The following ZFYVE26 variants were observed in gnomAD, a reference collection of about 807,000 sequenced individuals.
ZFYVE26 encodes zinc finger FYVE-type containing 26, also known as zinc finger FYVE domain-containing protein 26.
In ZFYVE26, 181 loss-of-function variants were observed where a neutral mutation model predicts 276.5. That is an observed-to-expected ratio of 0.65 (90% CI 0.58 to 0.74). ZFYVE26 has a LOEUF of 0.74. ZFYVE26 is among the 30% of genes least tolerant of loss of function. ZFYVE26 has a pLI of 0.00. For synonymous variants in ZFYVE26, 1,129 were observed against 1,203.1 expected (o/e 0.94, Z 1.27); for missense variants, 2,821 against 3,097.9 (o/e 0.91, Z 2.12).
intron 3 of ZFYVE26, among the ~76,000 whole-genome samples, chr14:67,810,170 C>T (rs2040270982): frequency 6.6e-6 from 1 of 152,214 alleles, no homozygotes; most frequent in Admixed American, 6.5e-5. Context: ...CACTGATCAG[C>T]CGTAAGTTCC....
chr14:67,733,873 C>T (rs767104580), intron 13 of ZFYVE26: 1 of 1,533,732 alleles, frequency 6.5e-7, no homozygotes, highest in African/African-American at 1.4e-5. Context: ...GCAGCTTTAT[C>T]AGGCCCAATC....
chr14:67,766,081 G>T (rs1026921925), intron 32 of ZFYVE26, 146 bp downstream of exon 32: 1 of 836,164 alleles, frequency 1.2e-6, no homozygotes, highest in Non-Finnish European at 2.0e-6. Context: ...TGGCAACACC[G>T]TTTCATCAAC....
In ZFYVE26 at chr14:67,761,498, C is replaced by G. The variant is rs140345788; in HGVS notation, c.6456G>C (p.Gly2152=). 5.3e-5 allele frequency: 85 copies of G among 1,614,036 alleles called. No individual in the cohort carries two copies. The highest frequency in any genetic ancestry group is 2.3e-4 in the South Asian group (21 of 91,072). ...QSLSLAVIPE[G]KIMNNTYYQE... ...GGTAGTAGGTGTTGTTCATGATTTT[C>G]CCTTCAGGAATCACTGCCAGAGAAA... The change falls in exon 35 of 42, where the codon GGG becomes GGC. Residue 2152 remains glycine (G), a synonymous_variant. Coordinates refer to ENST00000347230, the MANE Select transcript of ZFYVE26 (RefSeq NM_015346.4).
intron 14 of ZFYVE26, chr14:67,729,079 G>C (rs1161298813): frequency 2.8e-6 from 3 of 1,082,834 alleles, no homozygotes; most frequent in Non-Finnish European, 4.2e-6. Flanking sequence ...TGAATCCTGG[G>C]GTTATGTTTC....
intron 34 of ZFYVE26, 197 bp downstream of exon 34, chr14:67,762,006 A>T: frequency 3.2e-6 from 2 of 615,654 alleles, no homozygotes; most frequent in South Asian, 4.0e-5. Context: ...TTTTAAAAAA[A>T]ATTACATCTA....
At position 67,772,189 on chromosome 14, in the gene ZFYVE26, G is replaced by A. The variant is rs1187240622; in HGVS notation, c.5342C>T (p.Pro1781Leu). The A allele has an allele frequency of 1.2e-6, 2 of 1,613,076 alleles. No homozygotes were observed. Among genetic ancestry groups the A allele is most frequent in the African/African-American group, 2.7e-5 (2 of 74,882 alleles). ...TGGGAAACTCCTTTCCCTTAGACTA[G>A]GGGAATGTATACTGGAGATACCTGG... ...APPGISSIHS[P>L]SLRERSFPPT... The change falls in exon 28 of 42, where the codon CCT becomes CTT. Residue 1781 changes from proline (P) to leucine (L), a missense_variant. Physicochemically the swap from Pro to Leu is moderately conservative, Grantham distance 98. Transcript: ENST00000347230.
Position 67,769,745 on chromosome 14 carries a change from C to G in ZFYVE26, c.5485-15G>C. The G allele has an allele frequency of 6.2e-7, 1 of 1,613,940 alleles. No homozygotes were observed. Among genetic ancestry groups the G allele is most frequent in the Non-Finnish European group, 8.5e-7 (1 of 1,180,002 alleles). ...CGCCTGTTAAACTGAGGAATGCCATCAGGAGGAGAAGAAAGAGGGAGGAGA... is the reference window on the plus strand; with the variant it reads ...CGCCTGTTAAACTGAGGAATGCCATGAGGAGGAGAAGAAAGAGGGAGGAGA... On this transcript the variant is annotated splice_polypyrimidine_tract_variant and intron_variant, in intron 28 of 41. Transcript: ENST00000347230.
chr14:67,755,950 T>A lies in ZFYVE26; in HGVS notation c.6784A>T (p.Lys2262Ter). The change falls in exon 36 of 42, where the codon AAG becomes TAG. Residue 2262 changes from lysine to a stop codon, truncating the protein, a stop_gained and splice_region_variant. Coordinates refer to ENST00000347230, the MANE Select transcript of ZFYVE26 (RefSeq NM_015346.4). LOFTEE classifies it high-confidence loss of function. ...AGGCAGGAAGGGGCTGCCATTACCTTCATAAACTGCTGCAGCTCATACAGA... is the reference window on the plus strand; with the variant it reads ...AGGCAGGAAGGGGCTGCCATTACCTACATAAACTGCTGCAGCTCATACAGA... The part of the protein sequence containing the change: ...HILYELQQFM[K>*]DQVRAAMTCI... 1 of 1,614,216 alleles carries A rather than the reference T, an allele frequency of 6.2e-7. No individual in the cohort carries two copies. The highest frequency in any genetic ancestry group is 8.5e-7 in the Non-Finnish European group (1 of 1,180,042).
downstream of ZFYVE26, among the ~76,000 whole-genome samples, chr14:67,742,832 CTTCTTCTTTTT>C (rs1407822029): frequency 1.4e-4 from 2 of 13,930 alleles, no homozygotes; most frequent in Non-Finnish European, 3.8e-4. Context: ...CTTCTTTCTT[CTTCTTCTTTTT>C]TTTTTTTTTT....
At position 67,783,538 on chromosome 14, in the gene ZFYVE26, A is replaced by C. The variant is rs776056839; in HGVS notation, c.3627-13T>G. ...AAGGGCTGCCAGTCTGGAAGGAGAGAAGCAGAAAGCATACAAGGCCTGAAT... is the reference window on the plus strand; with the variant it reads ...AAGGGCTGCCAGTCTGGAAGGAGAGCAGCAGAAAGCATACAAGGCCTGAAT... On this transcript the variant is annotated splice_polypyrimidine_tract_variant and intron_variant, in intron 20 of 41. Coordinates refer to ENST00000347230, the MANE Select transcript of ZFYVE26 (RefSeq NM_015346.4). The C allele has an allele frequency of 3.7e-6, 6 of 1,610,716 alleles. No individual in the cohort carries two copies. The highest frequency in any genetic ancestry group is 5.1e-6 in the Non-Finnish European group (6 of 1,179,944).
At chr14:67,778,458 G>C in intron 23 of ZFYVE26, 1 of 581,480 alleles carries the variant, frequency 1.7e-6, no homozygotes, top group Non-Finnish European at 3.0e-6. Flanking sequence ...ACAGACACTT[G>C]GTGTCAACCC....
rs1018988214 is a variant in ZFYVE26 at position 67,747,600 on chromosome 14, A to C, written c.*836T>G. On this transcript the variant is annotated 3_prime_UTR_variant, in exon 42 of 42. Transcript: ENST00000347230. The stretch of plus-strand genomic sequence containing the variant: ...TTCTCTCACCCACCAACTTTGCAGC[A>C]GGGACATTCACAACAGGCAGCTCTG... 6.6e-6 allele frequency: 1 copy of C among 152,544 alleles called. No homozygotes were observed. Among genetic ancestry groups the C allele is most frequent in the African/African-American group, 2.4e-5 (1 of 41,446 alleles). 9.4% of individuals were successfully genotyped at this position (152,544 alleles called of 1,614,324 possible). A position where few individuals can be genotyped will look rare whatever the true frequency, so the allele number is the denominator to read the frequency against.
intron 10 of ZFYVE26, among the ~76,000 whole-genome samples, 156 bp from the exon 11 acceptor site, chr14:67,798,778 A>G (rs1372424289): frequency 2.0e-5 from 3 of 152,254 alleles, no homozygotes; most frequent in African/African-American, 7.2e-5. Context: ...TGAGAAGAAT[A>G]AGAGACTTAG....
chr14:67,798,954 C>G (rs867337317), intron 10 of ZFYVE26: 2 of 1,131,738 alleles, frequency 1.8e-6, no homozygotes, highest in Non-Finnish European at 2.7e-6. Flanking sequence ...TTTCTCGCGC[C>G]GCGGTTTCGG....
intron 15 of ZFYVE26, 76 bp downstream of exon 15, chr14:67,790,496 G>T: frequency 6.7e-7 from 1 of 1,496,806 alleles, no homozygotes; most frequent in Non-Finnish European, 9.3e-7. Context: ...AGGAGCCTAG[G>T]ATTTTAGTGG....
chr14:67,815,896 C>T lies in ZFYVE26; in HGVS notation c.68G>A (p.Cys23Tyr), dbSNP rs757919696. Residue 23 changes from cysteine to tyrosine, a missense_variant, in exon 2 of 42, where the codon TGC (cysteine) becomes TAC (tyrosine). Cys to Tyr is a radical substitution (Grantham distance 194). Transcript: ENST00000347230. Reference sequence around the variant, plus strand: ...CAGCTCCCATTCTCCCCTCCGCAGGCATTCGCAGAAAAATCCAAAAAGCTG... The same window carrying T: ...CAGCTCCCATTCTCCCCTCCGCAGGTATTCGCAGAAAAATCCAAAAAGCTG... ...QKQLFGFFCE[C>Y]LRRGEWELAQ... 19 of 1,613,884 alleles carry T rather than the reference C, an allele frequency of 1.2e-5. No individual in the cohort carries two copies. Among genetic ancestry groups the T allele is most frequent in the Non-Finnish European group, 1.6e-5 (19 of 1,179,988 alleles).
At chr14:67,790,425 G>A (rs1351099981) in intron 15 of ZFYVE26, 147 bp downstream of exon 15, 10 of 822,228 alleles carry the variant, frequency 1.2e-5, no homozygotes, top group African/African-American at 1.7e-5. Flanking sequence ...AAAACTGGAC[G>A]TATCAGGTTT....
chr14:67,802,349 G>A, intron 9 of ZFYVE26, 67 bp from the exon 10 acceptor site: 2 of 1,498,758 alleles, frequency 1.3e-6, no homozygotes, highest in South Asian at 1.1e-5. Context: ...TATGGGTGAA[G>A]CAAAGAGATG....
chr14:67,770,397 G>C (rs1474316279), intron 28 of ZFYVE26: 1 of 153,662 alleles, frequency 6.5e-6, no homozygotes, highest in Non-Finnish European at 1.4e-5. Flanking sequence ...CCAGGAAGCA[G>C]AGGTTGCAGT....
Sources: gnomAD v4.1 joint callset for allele counts (sites outside exome capture counted in the v4.1 genomes callset) on GRCh38, gnomAD v4.1.1 for gene constraint, MANE v1.5 for transcripts, NCBI Gene and HGNC (gene_info 2026-07-23, HGNC 2026-07-21) for gene names.